The following MROH1 variants were observed in gnomAD, a reference collection of about 807,000 sequenced individuals.
The protein encoded by MROH1 is maestro heat like repeat family member 1.
Under a neutral mutation model 116.5 loss-of-function variants are expected in MROH1, and 117 were observed. The ratio of observed to expected loss-of-function variants is 1.00; its 90% confidence interval spans 0.86 to 1.17. The LOEUF is 1.17. Ranked by LOEUF, MROH1 falls within the 50% of genes most tolerant of loss-of-function variation. MROH1 has a pLI of 0.00. For missense variants in MROH1, 1,873 were observed against 1,338.5 expected (o/e 1.40, Z -6.23); for synonymous variants, 921 against 583.9 (o/e 1.58, Z -8.32).
intron 14 of MROH1, among the ~76,000 whole-genome samples, chr8:144,233,461 C>A (rs62532272): frequency 7.1e-6 from 1 of 140,600 alleles, no homozygotes; most frequent in Non-Finnish European, 1.6e-5. Context: ...TGCACCCCAC[C>A]ATCCACCTTC....
chr8:144,161,413 C>G (rs1179324184), intron 2 of MROH1, among the ~76,000 whole-genome samples: 2 of 152,194 alleles, frequency 1.3e-5, no homozygotes, highest in Admixed American at 6.6e-5. Context: ...GCAGCGCTTT[C>G]TCTGGTATGA....
intron 7 of MROH1, among the ~76,000 whole-genome samples, chr8:144,184,749 C>T (rs1407995166): frequency 6.6e-6 from 1 of 152,178 alleles, no homozygotes; most frequent in African/African-American, 2.4e-5. Context: ...CGAGCACCCC[C>T]AGCTACAGAG....
At chr8:144,234,498 GTTTTTTTTT>G (rs1165164431) in intron 14 of MROH1, among the ~76,000 whole-genome samples, 18 of 18,088 alleles carry the variant, frequency 1.0e-3, no homozygotes, top group South Asian at 2.2e-3. Context: ...TTTCTTTTTC[GTTTTTTTTT>G]TTTTTTTTTT....
At chr8:144,234,297 C>T (rs539770534) in intron 14 of MROH1, among the ~76,000 whole-genome samples, 188 of 152,136 alleles carry the variant, frequency 1.2e-3, no homozygotes, top group African/African-American at 4.2e-3. Flanking sequence ...CGTGAGCCAC[C>T]GCGCCCGGCT....
intron 12 of MROH1, among the ~76,000 whole-genome samples, chr8:144,219,061 C>T (rs113294139): frequency 0.07 from 10,453 of 149,772 alleles, 1,261 homozygotes; most frequent in African/African-American, 0.24. Context: ...CTCGCTCTGT[C>T]GCCCAGGCTG....
chr8:144,174,759 A>C (rs1227028039), intron 4 of MROH1: 5 of 877,562 alleles, frequency 5.7e-6, no homozygotes, highest in Non-Finnish European at 6.8e-6. Flanking sequence ...CTGGGGTTAC[A>C]GGTGTGAGCC....
chr8:144,243,491 C>T lies in MROH1; in HGVS notation c.2353-3C>T. ...CGTCTCCTGTAGCCCTGCGTCCCTGCAGGACCCAGCCCTGAAGCTGTGCCT... is the reference window on the plus strand; with the variant it reads ...CGTCTCCTGTAGCCCTGCGTCCCTGTAGGACCCAGCCCTGAAGCTGTGCCT... On this transcript the variant is annotated splice_polypyrimidine_tract_variant and splice_region_variant and intron_variant, in intron 24 of 43. Transcript: ENST00000326134. 3 of 779,364 alleles carry T rather than the reference C, an allele frequency of 3.8e-6. No individual in the cohort carries two copies. In the Admixed American group the frequency reaches 5.1e-5, roughly 13 times the overall value. 48.3% of individuals were successfully genotyped at this position (779,364 alleles called of 1,614,324 possible).
intron 24 of MROH1, 122 bp from the exon 25 acceptor site, chr8:144,243,372 A>G: frequency 2.9e-6 from 2 of 700,018 alleles, no homozygotes; most frequent in Non-Finnish European, 5.2e-6. Flanking sequence ...AGGGCTGGCT[A>G]GAGAGCTCCT....
chr8:144,204,836 A>G (rs946006355), intron 12 of MROH1, among the ~76,000 whole-genome samples: 3 of 152,210 alleles, frequency 2.0e-5, no homozygotes, highest in African/African-American at 4.8e-5. Context: ...TTAATGCATA[A>G]GCCACTATTA....
chr8:144,167,384 C>T (rs1270248546), intron 3 of MROH1, among the ~76,000 whole-genome samples: 14 of 108,570 alleles, frequency 1.3e-4, no homozygotes, highest in Admixed American at 8.1e-4. Context: ...GTGGAGTGGC[C>T]GGTTGTGGGG....
At chr8:144,252,150 TG>T in intron 33 of MROH1, 1 of 172,770 alleles carries the variant, frequency 5.8e-6, no homozygotes, top group Non-Finnish European at 1.3e-5. Flanking sequence ...TTGGGGCTGC[TG>T]GGGATGGCGA....
In MROH1 at chr8:144,260,299, G is replaced by A; in HGVS notation, c.4305G>A (p.Val1435=). The change falls in exon 39 of 44, where the codon GTG becomes GTA. Residue 1435 remains valine, a synonymous_variant. Transcript: ENST00000326134. The part of the protein sequence containing the change: ...LEAMLGLARL[V]HLVESWDLRS... ...CCATGCTGGGCCTTGCGAGGCTGGT[G>A]CACCTGGTGGAGTCCTGGGACCTGC... 2.6e-6 allele frequency: 2 copies of A among 754,834 alleles called. No homozygotes were observed. Among genetic ancestry groups the A allele is most frequent in the Admixed American group, 1.8e-5 (1 of 56,752 alleles). The allele number at this position is 754,834 out of a possible 1,614,324, so 46.8% of individuals were successfully genotyped here.
intron 33 of MROH1, chr8:144,250,678 C>T: frequency 2.2e-6 from 1 of 459,662 alleles, no homozygotes; most frequent in South Asian, 2.0e-5. Flanking sequence ...CTGTTGGCCC[C>T]AGGCTCCAGC....
At chr8:144,192,508 G>C (rs1046855761) in intron 10 of MROH1, 107 bp downstream of exon 10, 2 of 910,466 alleles carry the variant, frequency 2.2e-6, no homozygotes, top group Non-Finnish European at 3.5e-6. Flanking sequence ...GCTCAGCCAC[G>C]TGGGGCTGAG....
At position 144,260,952 on chromosome 8, in the gene MROH1, G is replaced by C; in HGVS notation, c.4582G>C (p.Glu1528Gln). Residue 1528 changes from glutamate (E) to glutamine (Q), a missense_variant, in exon 41 of 44, where the codon GAG (glutamate) becomes CAG (glutamine). Transcript: ENST00000326134. Reference protein sequence around the residue: ...LRMCGPNLACEELSAAFQKHL... With the variant: ...LRMCGPNLACQELSAAFQKHL... ...CATGTGTGGCCCCAATCTGGCATGT[G>C]AGGAGCTCTCAGCTGCTTTCCAGAA... 1 of 777,778 alleles carries C rather than the reference G, an allele frequency of 1.3e-6. No individual in the cohort carries two copies. Among genetic ancestry groups the C allele is most frequent in the Non-Finnish European group, 2.4e-6 (1 of 417,768 alleles). The allele number at this position is 777,778 out of a possible 1,614,324, so 48.2% of individuals were successfully genotyped here. A position where few individuals can be genotyped will look rare whatever the true frequency, so the allele number is the denominator to read the frequency against.
chr8:144,244,553 A>C lies in MROH1; in HGVS notation c.2766+14A>C, dbSNP rs1220054311. ...ATCATGATTGAGGTGTGCAGGGGGG[A>C]ACTGTCATGGGGATGGGGATGGGGG... On this transcript the variant is annotated intron_variant, in intron 28 of 43. Coordinates refer to ENST00000326134, the MANE Select transcript of MROH1 (RefSeq NM_032450.3). 2 of 745,152 alleles carry C rather than the reference A, an allele frequency of 2.7e-6. No homozygotes were observed. Among genetic ancestry groups the C allele is most frequent in the East Asian group, 5.1e-5 (2 of 39,168 alleles). The allele number at this position is 745,152 out of a possible 1,614,324, so 46.2% of individuals were successfully genotyped here. A position where few individuals can be genotyped will look rare whatever the true frequency, so the allele number is the denominator to read the frequency against.
intron 1 of MROH1, among the ~76,000 whole-genome samples, chr8:144,149,504 T>A (rs1587668872): frequency 6.6e-6 from 1 of 152,094 alleles, no homozygotes; most frequent in African/African-American, 2.4e-5. Context: ...CGTGGCTGTC[T>A]CCTGTGTCAG....
intron 3 of MROH1, among the ~76,000 whole-genome samples, chr8:144,166,113 A>G (rs971368309): frequency 6.6e-6 from 1 of 151,984 alleles, no homozygotes; most frequent in African/African-American, 2.4e-5. Flanking sequence ...TCCTGACCTC[A>G]GGGGATCCAC....
chr8:144,174,508 T>C (rs1823324170), intron 4 of MROH1, among the ~76,000 whole-genome samples: 1 of 149,930 alleles, frequency 6.7e-6, no homozygotes, highest in Non-Finnish European at 1.5e-5. Flanking sequence ...AATTCAGGGA[T>C]GGACTCCCTC....
Sources: gnomAD v4.1 joint callset for allele counts (sites outside exome capture counted in the v4.1 genomes callset) on GRCh38, gnomAD v4.1.1 for gene constraint, MANE v1.5 for transcripts, NCBI Gene and HGNC (gene_info 2026-07-23, HGNC 2026-07-21) for gene names.